ZNF704: variants seen among roughly 807,000 people sequenced by gnomAD.
The protein encoded by ZNF704 is zinc finger protein 704.
In ZNF704, 10 loss-of-function variants were observed where a neutral mutation model predicts 44.7. The ratio of observed to expected loss-of-function variants is 0.22; its 90% CI spans 0.14 to 0.38. ZNF704 has a LOEUF of 0.38. ZNF704 is among the 10% of genes least tolerant of loss of function. The probability of loss-of-function intolerance (pLI) is 1.00; values close to 1 mark genes in which losing one functional copy is unlikely to be tolerated. For missense variants in ZNF704, 390 were observed against 545.5 expected (o/e 0.71, Z 2.84); for synonymous variants, 211 against 207.6 (o/e 1.02, Z -0.14).
In ZNF704 at chr8:80,634,205, T is replaced by C. The variant is rs946903826; in HGVS notation, c.*7161A>G. 6.6e-6 allele frequency: 1 copy of C among 152,164 alleles called. No homozygotes were observed. The highest frequency in any genetic ancestry group is 6.5e-5 in the Admixed American group (1 of 15,286). 9.4% of individuals were successfully genotyped at this position (152,164 alleles called of 1,614,324 possible). A position where few individuals can be genotyped will look rare whatever the true frequency, so the allele number is the denominator to read the frequency against. On this transcript the variant is annotated 3_prime_UTR_variant, in exon 9 of 9. Coordinates refer to ENST00000327835, the MANE Select transcript of ZNF704 (RefSeq NM_001033723.3). Reference sequence around the variant, plus strand: ...CAGCCCCTCATCACAGTGGCCACGGTAGAAAACACTAAGAAAATTAGGATA... The same window carrying C: ...CAGCCCCTCATCACAGTGGCCACGGCAGAAAACACTAAGAAAATTAGGATA...
At chr8:80,675,768 G>A (rs1818355147) in intron 4 of ZNF704, among the ~76,000 whole-genome samples, 1 of 152,160 alleles carries the variant, frequency 6.6e-6, no homozygotes, top group Non-Finnish European at 1.5e-5. Flanking sequence ...TTAATTTTGA[G>A]ATGCCTATTA....
intron 7 of ZNF704, among the ~76,000 whole-genome samples, chr8:80,657,718 T>C (rs1818038933): frequency 6.6e-6 from 1 of 150,724 alleles, no homozygotes; most frequent in Non-Finnish European, 1.5e-5. Context: ...AAAGCTCACA[T>C]AGGATTTTAG....
At chr8:80,778,716 T>C (rs540424948) in intron 2 of ZNF704, among the ~76,000 whole-genome samples, 3 of 152,298 alleles carry the variant, frequency 2.0e-5, no homozygotes, top group African/African-American at 7.2e-5. Context: ...GGATCATGGA[T>C]GGAGCTGGGG....
intron 2 of ZNF704, among the ~76,000 whole-genome samples, chr8:80,786,556 T>C (rs1160242360): frequency 6.6e-6 from 1 of 152,180 alleles, no homozygotes; most frequent in African/African-American, 2.4e-5. Flanking sequence ...CTGCAATTGC[T>C]CCCTAGGGCA....
At chr8:80,713,782 A>C (rs1234430363) in intron 2 of ZNF704, among the ~76,000 whole-genome samples, 1 of 152,188 alleles carries the variant, frequency 6.6e-6, no homozygotes, top group Non-Finnish European at 1.5e-5. Flanking sequence ...CTGTGTCTAA[A>C]TGTCATTGTT....
chr8:80,718,598 T>G (rs1434467517), intron 2 of ZNF704, among the ~76,000 whole-genome samples: 4 of 152,160 alleles, frequency 2.6e-5, no homozygotes, highest in African/African-American at 9.7e-5. Flanking sequence ...AGAACACGCC[T>G]GGGCTGGCTT....
At chr8:80,679,391 A>G (rs533517649) in intron 4 of ZNF704, among the ~76,000 whole-genome samples, 1 of 148,974 alleles carries the variant, frequency 6.7e-6, no homozygotes, top group South Asian at 2.1e-4. Flanking sequence ...AACATGAAAA[A>G]ATAGCTAAAT....
chr8:80,688,646 T>C (rs1818580996), intron 3 of ZNF704, among the ~76,000 whole-genome samples: 1 of 152,234 alleles, frequency 6.6e-6, no homozygotes, highest in Non-Finnish European at 1.5e-5. Flanking sequence ...TAAGAATTTA[T>C]TGGCAATAAT....
chr8:80,860,286 T>C (rs1469877164), intron 1 of ZNF704, among the ~76,000 whole-genome samples: 1 of 152,214 alleles, frequency 6.6e-6, no homozygotes, highest in African/African-American at 2.4e-5. Context: ...AGTGTGTACC[T>C]ACCTCATTGA....
chr8:80,678,049 A>G (rs975271885), intron 4 of ZNF704, among the ~76,000 whole-genome samples: 4 of 152,144 alleles, frequency 2.6e-5, no homozygotes, highest in African/African-American at 9.7e-5. Context: ...TTCTCTTCCA[A>G]TCTTGCATAC....
At chr8:80,741,384 G>A (rs1479102842) in intron 2 of ZNF704, among the ~76,000 whole-genome samples, 1 of 152,200 alleles carries the variant, frequency 6.6e-6, no homozygotes, top group African/African-American at 2.4e-5. Context: ...ACAGGTCTGA[G>A]GGACCAGCTT....
chr8:80,856,166 C>T (rs901398412), intron 1 of ZNF704, among the ~76,000 whole-genome samples: 27 of 152,190 alleles, frequency 1.8e-4, no homozygotes, highest in African/African-American at 6.0e-4. Context: ...GCTTGGTTGC[C>T]GGGGCTGGTC....
intron 7 of ZNF704, among the ~76,000 whole-genome samples, chr8:80,655,576 G>A (rs916642107): frequency 6.6e-6 from 1 of 152,108 alleles, no homozygotes; most frequent in South Asian, 2.1e-4. Context: ...CAGGCACTGT[G>A]TGAACGACAC....
At chr8:80,834,999 C>T (rs2129941272) in intron 1 of ZNF704, among the ~76,000 whole-genome samples, 1 of 152,248 alleles carries the variant, frequency 6.6e-6, no homozygotes, top group South Asian at 2.1e-4. Context: ...CAAGTTTTAA[C>T]TTTAATATGT....
rs1407548005 is a variant in ZNF704 at position 80,874,336 on chromosome 8, G to A, written c.-22+235C>T. ...CGCTGCCGCCTCCGCCGCCGCCGCC[G>A]CCGCCCGGGAGCCGCGGGCCGCGCT... On this transcript the variant is annotated intron_variant, in intron 1 of 8. Coordinates refer to ENST00000327835, the MANE Select transcript of ZNF704 (RefSeq NM_001033723.3). This position sits in a 1 kb window ranked among gnomAD's most constrained non-coding sequence, Gnocchi z 4.4. Among the ~76,000 whole-genome samples, 1 of 145,316 alleles carries A rather than the reference G, an allele frequency of 6.9e-6. No individual in the cohort carries two copies. The highest frequency in any genetic ancestry group is 2.0e-4 in the East Asian group (1 of 4,936).
In ZNF704 at chr8:80,639,420, T is replaced by A. The variant is rs1335918434; in HGVS notation, c.*1946A>T. On this transcript the variant is annotated 3_prime_UTR_variant, in exon 9 of 9. Transcript: ENST00000327835. ...GAGGAAACAAACACATTTCTGCGTT[T>A]AAAAAAATGCCATTTCCTGGCTGAC... 1 of 152,164 alleles carries A rather than the reference T, an allele frequency of 6.6e-6. No homozygotes were observed. Among genetic ancestry groups the A allele is most frequent in the Non-Finnish European group, 1.5e-5 (1 of 68,038 alleles). The allele number at this position is 152,164 out of a possible 1,614,324, so 9.4% of individuals were successfully genotyped here. A position where few individuals can be genotyped will look rare whatever the true frequency, so the allele number is the denominator to read the frequency against.
Position 80,821,466 on chromosome 8 carries a change from G to A in ZNF704, c.129C>T (p.Ile43=). The change falls in exon 2 of 9, where the codon ATC becomes ATT. Residue 43 remains isoleucine (I), a synonymous_variant. Coordinates refer to ENST00000327835, the MANE Select transcript of ZNF704 (RefSeq NM_001033723.3). ...GAGTGTTTTCTTTTTCATGGTCAAG[G>A]ATCCGGCTGGCTTTTTTGGTGTCTG... The part of the protein sequence containing the change: ...KTADTKKASR[I]LDHEKENTRS... 1 of 1,614,128 alleles carries A rather than the reference G, an allele frequency of 6.2e-7. No homozygotes were observed. The highest frequency in any genetic ancestry group is 1.1e-5 in the South Asian group (1 of 91,080).
intron 4 of ZNF704, among the ~76,000 whole-genome samples, chr8:80,685,525 C>T (rs533049907): frequency 1.3e-5 from 2 of 152,312 alleles, no homozygotes; most frequent in South Asian, 4.1e-4. Flanking sequence ...CTACCACTGT[C>T]CTGCCTGCAG....
At chr8:80,818,991 A>T (rs1047414465) in intron 2 of ZNF704, among the ~76,000 whole-genome samples, 1 of 152,072 alleles carries the variant, frequency 6.6e-6, no homozygotes, top group Admixed American at 6.5e-5. Context: ...CATTTTTTTT[A>T]AAAGCAACTT....
Sources: allele counts gnomAD v4.1 joint callset (sites outside exome capture counted in the v4.1 genomes callset), GRCh38; gene constraint gnomAD v4.1.1; non-coding constraint Gnocchi (gnomAD v3.1); transcripts MANE v1.5; gene names NCBI Gene and HGNC (gene_info 2026-07-23, HGNC 2026-07-21).